Variants in KIAA1671 observed in about 807,000 individuals in gnomAD.
KIAA1671 encodes KIAA1671, also known as uncharacterized protein KIAA1671.
KIAA1671 carries 52 observed loss-of-function variants against 131.2 expected under a neutral mutation model. That is an observed-to-expected ratio of 0.40 (90% CI 0.32 to 0.50). The LOEUF (loss-of-function observed/expected upper bound fraction) is 0.50. Among genes scored for constraint, KIAA1671 ranks in the 20% least tolerant of loss-of-function variants. The probability of loss-of-function intolerance (pLI) is 0.73; values close to 1 mark genes in which losing one functional copy is unlikely to be tolerated. For synonymous variants in KIAA1671, 1,003 were observed against 961.6 expected, an observed-to-expected ratio of 1.04 and a Z score of -0.80; for missense variants, 2,360 against 2,364.2, an observed-to-expected ratio of 1.00 and a Z score of 0.04.
chr22:25,156,197 G>C (rs1280779568), intron 6 of KIAA1671, among the ~76,000 whole-genome samples: 2 of 147,562 alleles, frequency 1.4e-5, no homozygotes, highest in African/African-American at 4.9e-5. Flanking sequence ...TAATATTTTT[G>C]TATTTTTTTA....
intron 6 of KIAA1671, among the ~76,000 whole-genome samples, chr22:25,094,818 T>G (rs1930319876): frequency 6.6e-6 from 1 of 152,172 alleles, no homozygotes; most frequent in Non-Finnish European, 1.5e-5. Context: ...ACAGCCTGTG[T>G]CCTGGGTGGA....
chr22:25,100,578 A>T (rs1285079280), intron 6 of KIAA1671, among the ~76,000 whole-genome samples: 1 of 152,218 alleles, frequency 6.6e-6, no homozygotes, highest in Non-Finnish European at 1.5e-5. Flanking sequence ...TAGCAGATGC[A>T]TGACTTGGAC....
At chr22:25,111,770 C>CCCCCAT (rs71656057) in intron 6 of KIAA1671, 3 of 133,132 alleles carry the variant, frequency 2.3e-5, no homozygotes, top group Non-Finnish European at 4.8e-5. Context: ...TCCACCCCCA[C>CCCCCAT]CCCCATCCCC....
chr22:25,059,844 G>A (rs1928062194), intron 6 of KIAA1671: 1 of 152,208 alleles, frequency 6.6e-6, no homozygotes, highest in Non-Finnish European at 1.5e-5. Flanking sequence ...GCAGAGAGAA[G>A]GGTTCAGAGG....
chr22:24,965,235 T>C (rs533592866), intron 1 of KIAA1671, among the ~76,000 whole-genome samples: 1 of 151,610 alleles, frequency 6.6e-6, no homozygotes, highest in South Asian at 2.1e-4. Context: ...GCCAATGTGG[T>C]GAAACCCTGT....
rs1926768876 is a variant in KIAA1671 at position 25,038,996 on chromosome 22, C to T, written c.1866C>T (p.His622=). 1 of 1,551,778 alleles carries T rather than the reference C, an allele frequency of 6.4e-7. No homozygotes were observed. The highest frequency in any genetic ancestry group is 8.7e-7 in the Non-Finnish European group (1 of 1,147,036). Residue 622 remains histidine (H), a synonymous_variant, in exon 5 of 13, where the codon CAC becomes CAT. Transcript: ENST00000358431. ...TATTTGAGCACCACGTGGAGAGACA[C>T]ACAGTGGCTGACCAGTCGGGACGTT... The part of the protein sequence containing the change: ...ATVFEHHVER[H]TVADQSGRCL...
intron 6 of KIAA1671, among the ~76,000 whole-genome samples, chr22:25,074,484 A>G (rs1928990374): frequency 7.7e-6 from 1 of 130,634 alleles, no homozygotes; most frequent in African/African-American, 3.2e-5. Context: ...CAGCCTGAGC[A>G]AGGCTGTGTC....
chr22:25,078,976 C>T (rs1315557581), intron 6 of KIAA1671, among the ~76,000 whole-genome samples: 1 of 152,122 alleles, frequency 6.6e-6, no homozygotes, highest in Non-Finnish European at 1.5e-5. Flanking sequence ...TCTTAGCCCT[C>T]CCAGAAACTC....
intron 1 of KIAA1671, among the ~76,000 whole-genome samples, chr22:24,962,199 T>C (rs1302448722): frequency 6.6e-6 from 1 of 152,178 alleles, no homozygotes; most frequent in Non-Finnish European, 1.5e-5. Flanking sequence ...AAGGTGAGAC[T>C]GGGAGGGATA....
intron 6 of KIAA1671, chr22:25,050,528 A>T (rs1295638946): frequency 1.3e-5 from 2 of 152,242 alleles, no homozygotes; most frequent in Non-Finnish European, 2.9e-5. Flanking sequence ...CTCCATTGAG[A>T]GTCCATCCCT....
chr22:24,969,872 G>GT (rs1387406081), intron 1 of KIAA1671, among the ~76,000 whole-genome samples: 3 of 152,178 alleles, frequency 2.0e-5, no homozygotes, highest in Non-Finnish European at 4.4e-5. Context: ...ATGAGTGAAG[G>GT]TCTGTGCACT....
At chr22:24,954,332 C>T (rs771420276) in intron 1 of KIAA1671, among the ~76,000 whole-genome samples, 37 of 152,108 alleles carry the variant, frequency 2.4e-4, no homozygotes, top group Non-Finnish European at 1.3e-4. Context: ...CAGACTCTGG[C>T]GCCTCCTTCC....
chr22:25,056,031 T>G (rs1726867856), intron 6 of KIAA1671: 1 of 147,744 alleles, frequency 6.8e-6, no homozygotes, highest in Admixed American at 6.7e-5. Flanking sequence ...AATTTTTTTT[T>G]TTTTTTTTGT....
At chr22:25,026,344 A>T (rs1315014670) in intron 2 of KIAA1671, among the ~76,000 whole-genome samples, 4 of 152,122 alleles carry the variant, frequency 2.6e-5, no homozygotes, top group Non-Finnish European at 4.4e-5. Flanking sequence ...ACAGGGAAGA[A>T]AACACTGGCA....
intron 6 of KIAA1671, among the ~76,000 whole-genome samples, chr22:25,131,781 G>C (rs1395584901): frequency 6.6e-6 from 1 of 152,252 alleles, no homozygotes; most frequent in African/African-American, 2.4e-5. Flanking sequence ...GAGCAGGCTG[G>C]TTCCCTGTTC....
At chr22:25,052,483 A>G (rs891506012) in intron 6 of KIAA1671, 3 of 152,286 alleles carry the variant, frequency 2.0e-5, no homozygotes, top group Non-Finnish European at 2.9e-5. Flanking sequence ...GTTACATGTC[A>G]TGTAGATACT....
At position 25,049,051 on chromosome 22, in the gene KIAA1671, A is replaced by G. The variant is rs1167652693; in HGVS notation, c.4396-179A>G. 3.9e-5 allele frequency: 28 copies of G among 717,186 alleles called. No homozygotes were observed. The East Asian group carries it at 7.3e-4, about 19-fold the overall frequency. The allele number at this position is 717,186 out of a possible 1,614,324, so 44.4% of individuals were successfully genotyped here. A position where few individuals can be genotyped will look rare whatever the true frequency, so the allele number is the denominator to read the frequency against. ...GTTATTAAATGGCTGAGGCTGGGCCACTGGAACCCAGAGCTACCGCCCTAC... is the reference window on the plus strand; with the variant it reads ...GTTATTAAATGGCTGAGGCTGGGCCGCTGGAACCCAGAGCTACCGCCCTAC... On this transcript the variant is annotated intron_variant, in intron 5 of 12. Transcript: ENST00000358431.
intron 6 of KIAA1671, among the ~76,000 whole-genome samples, chr22:25,165,041 C>A (rs1383196221): frequency 7.0e-6 from 1 of 142,698 alleles, no homozygotes; most frequent in Non-Finnish European, 1.5e-5. Flanking sequence ...GATTTTGAGG[C>A]CTCGTAGCTC....
At chr22:25,178,331 C>G (rs1568994158) in intron 9 of KIAA1671, among the ~76,000 whole-genome samples, 1 of 152,156 alleles carries the variant, frequency 6.6e-6, no homozygotes, top group Non-Finnish European at 1.5e-5. Flanking sequence ...GCTTGGGAAC[C>G]TTACCCACTG....
Sources: gnomAD v4.1 joint callset for allele counts (sites outside exome capture counted in the v4.1 genomes callset) on GRCh38, gnomAD v4.1.1 for gene constraint, MANE v1.5 for transcripts, NCBI Gene and HGNC (gene_info 2026-07-23, HGNC 2026-07-21) for gene names.